HS6ST3: variants seen among roughly 807,000 people sequenced by gnomAD.
HS6ST3 encodes the protein heparan-sulfate 6-O-sulfotransferase 3.
A neutral mutation model predicts 36.7 loss-of-function variants in HS6ST3; 12 were observed. The ratio of observed to expected loss-of-function variants is 0.33; its 90% CI spans 0.21 to 0.53. The LOEUF is 0.53. HS6ST3 is among the 20% of genes least tolerant of loss of function. HS6ST3 has a pLI of 0.95. For synonymous variants in HS6ST3, 240 were observed against 257.5 expected, an observed-to-expected ratio of 0.93 and a Z score of 0.65; for missense variants, 584 against 640.9, an observed-to-expected ratio of 0.91 and a Z score of 0.96.
intron 1 of HS6ST3, among the ~76,000 whole-genome samples, chr13:96,616,429 C>G (rs761139976): frequency 6.6e-6 from 1 of 152,134 alleles, no homozygotes; most frequent in Non-Finnish European, 1.5e-5. Flanking sequence ...TGGAAAAATG[C>G]TTAATACCTT....
chr13:96,764,957 G>A (rs1877062036), intron 1 of HS6ST3, among the ~76,000 whole-genome samples: 1 of 151,632 alleles, frequency 6.6e-6, no homozygotes. Context: ...ATGTCGTTAA[G>A]CCTAGTTACC....
chr13:96,751,091 A>G (rs1876689235), intron 1 of HS6ST3, among the ~76,000 whole-genome samples: 1 of 152,168 alleles, frequency 6.6e-6, no homozygotes. Context: ...TGTTTTGAAT[A>G]TTTATTGAAA....
intron 1 of HS6ST3, among the ~76,000 whole-genome samples, chr13:96,435,550 T>C (rs1365911908): frequency 6.6e-6 from 1 of 152,158 alleles, no homozygotes; most frequent in Non-Finnish European, 1.5e-5. Flanking sequence ...ACAAATAACT[T>C]AGGGCCATTA....
chr13:96,357,937 A>G (rs544803786), intron 1 of HS6ST3, among the ~76,000 whole-genome samples: 15 of 152,302 alleles, frequency 9.8e-5, no homozygotes, highest in Non-Finnish European at 1.8e-4. Context: ...AAAAGTTTGA[A>G]ATATTTTGAG....
chr13:96,221,934 G>C (rs900655922), intron 1 of HS6ST3, among the ~76,000 whole-genome samples: 1 of 152,142 alleles, frequency 6.6e-6, no homozygotes, highest in African/African-American at 2.4e-5. Context: ...ATCAACCTTA[G>C]TTGTAATAAA....
chr13:96,170,335 A>T (rs987447742), intron 1 of HS6ST3, among the ~76,000 whole-genome samples: 1 of 152,248 alleles, frequency 6.6e-6, no homozygotes, highest in Non-Finnish European at 1.5e-5. Context: ...GACGCAGTTA[A>T]TAAGTGGTCA....
intron 1 of HS6ST3, among the ~76,000 whole-genome samples, chr13:96,345,705 A>T (rs926509110): frequency 6.6e-6 from 1 of 152,186 alleles, no homozygotes; most frequent in African/African-American, 2.4e-5. Flanking sequence ...TTTTGAGATG[A>T]AACTGTTCTA....
chr13:96,552,716 T>G (rs114551884), intron 1 of HS6ST3, among the ~76,000 whole-genome samples: 68 of 152,246 alleles, frequency 4.5e-4, no homozygotes, highest in African/African-American at 1.6e-3. Flanking sequence ...GCATTTGGCA[T>G]CAAGGGCTAC....
intron 1 of HS6ST3, among the ~76,000 whole-genome samples, chr13:96,733,499 C>T (rs1876209735): frequency 6.6e-6 from 1 of 152,102 alleles, no homozygotes; most frequent in Non-Finnish European, 1.5e-5. Context: ...AAGGATTGTA[C>T]ATTTCTTTTG....
chr13:96,677,639 G>T (rs1043078059), intron 1 of HS6ST3, among the ~76,000 whole-genome samples: 2 of 151,932 alleles, frequency 1.3e-5, no homozygotes, highest in Admixed American at 6.6e-5. Context: ...TCTTCCTTAA[G>T]CTATATTTCT....
rs72180855 is a variant in HS6ST3 at position 96,284,748 on chromosome 13, C to CTGCT, written c.707+193217_707+193220dup. 7.1e-3 allele frequency among the ~76,000 whole-genome samples: 1,066 copies of CTGCT among 150,542 alleles called. 7 individuals are homozygous for CTGCT. The highest frequency in any genetic ancestry group is 0.025 in the East Asian group (127 of 5,054). ...AGGTTTTTGTAAAGAGGATACTGGT[C>CTGCT]TGCTTGCTTGCTTGCTTGCTTGCTT... On this transcript the variant is annotated intron_variant, in intron 1 of 1. Coordinates refer to ENST00000376705, the MANE Select transcript of HS6ST3 (RefSeq NM_153456.4).
At chr13:96,741,534 T>C (rs1301566018) in intron 1 of HS6ST3, among the ~76,000 whole-genome samples, 1 of 152,132 alleles carries the variant, frequency 6.6e-6, no homozygotes, top group Non-Finnish European at 1.5e-5. Context: ...GTGGCAAACA[T>C]TTATAAAGCA....
chr13:96,603,215 C>G (rs1266270547), intron 1 of HS6ST3, among the ~76,000 whole-genome samples: 1 of 152,180 alleles, frequency 6.6e-6, no homozygotes, highest in Non-Finnish European at 1.5e-5. Flanking sequence ...TCAACAGCCA[C>G]TTTTTGTCCC....
chr13:96,391,834 G>A (rs1360485286), intron 1 of HS6ST3, among the ~76,000 whole-genome samples: 2 of 152,150 alleles, frequency 1.3e-5, no homozygotes, highest in African/African-American at 4.8e-5. Context: ...ATGACACGTG[G>A]GAATTGTGGG....
At chr13:96,701,177 A>G (rs557658542) in intron 1 of HS6ST3, among the ~76,000 whole-genome samples, 8 of 152,376 alleles carry the variant, frequency 5.3e-5, no homozygotes, top group Middle Eastern at 3.4e-3. Context: ...CAAAAGAAGT[A>G]CTATACTTAC....
chr13:96,621,146 A>G (rs1473472556), intron 1 of HS6ST3, among the ~76,000 whole-genome samples: 1 of 152,132 alleles, frequency 6.6e-6, no homozygotes, highest in Admixed American at 6.5e-5. Flanking sequence ...CTTTTCTTTA[A>G]ACACTGTGAC....
chr13:96,131,056 T>A (rs376163217), intron 1 of HS6ST3, among the ~76,000 whole-genome samples: 3 of 152,192 alleles, frequency 2.0e-5, no homozygotes, highest in African/African-American at 7.2e-5. Flanking sequence ...CGTGAGCGAC[T>A]GCCATGGCAA....
At chr13:96,501,035 G>A (rs1421152035) in intron 1 of HS6ST3, among the ~76,000 whole-genome samples, 1 of 152,146 alleles carries the variant, frequency 6.6e-6, no homozygotes, top group Non-Finnish European at 1.5e-5. Flanking sequence ...TGCAAGAGGA[G>A]ATGGGTAGGA....
At chr13:96,478,684 T>A (rs2055875727) in intron 1 of HS6ST3, among the ~76,000 whole-genome samples, 1 of 152,160 alleles carries the variant, frequency 6.6e-6, no homozygotes, top group African/African-American at 2.4e-5. Context: ...TGCCTCTCAC[T>A]CAGTGCCTGT....
Sources: allele counts gnomAD v4.1 joint callset (sites outside exome capture counted in the v4.1 genomes callset), GRCh38; gene constraint gnomAD v4.1.1; transcripts MANE v1.5; gene names NCBI Gene and HGNC (gene_info 2026-07-23, HGNC 2026-07-21).